ROS1: variants seen among roughly 807,000 people sequenced by gnomAD.
The protein encoded by ROS1 is proto-oncogene tyrosine-protein kinase ROS.
A neutral mutation model predicts 273.5 loss-of-function variants in ROS1; 263 were observed. That is an observed-to-expected ratio of 0.96 (90% confidence interval 0.87 to 1.06). The LOEUF (loss-of-function observed/expected upper bound fraction) is 1.06, where lower values mean the gene tolerates loss of function less well. ROS1 is among the 50% of genes least tolerant of loss of function. The pLI, the probability that ROS1 is intolerant of heterozygous loss-of-function variation, is 0.00. For synonymous variants in ROS1, 1,008 were observed against 954.1 expected (o/e 1.06, Z -1.04); for missense variants, 2,833 against 2,751.1 (o/e 1.03, Z -0.67).
chr6:117,402,184 C>A (rs983685809), intron 7 of ROS1, among the ~76,000 whole-genome samples: 1 of 152,154 alleles, frequency 6.6e-6, no homozygotes, highest in African/African-American at 2.4e-5. Context: ...GGGTCTGGCC[C>A]CCATCTCTCT....
At chr6:117,400,993 T>C (rs1773887924) in intron 7 of ROS1, among the ~76,000 whole-genome samples, 1 of 152,208 alleles carries the variant, frequency 6.6e-6, no homozygotes, top group Non-Finnish European at 1.5e-5. Context: ...CGATTTTATC[T>C]AGGAAAGCCA....
At chr6:117,320,174 G>A (rs2128559687) in intron 36 of ROS1, 144 bp from the exon 37 acceptor site, 1 of 699,372 alleles carries the variant, frequency 1.4e-6, no homozygotes, top group Admixed American at 2.9e-5. Flanking sequence ...ACACGGTGAT[G>A]TGGAACTTTG....
intron 42 of ROS1, among the ~76,000 whole-genome samples, chr6:117,302,776 TG>T (rs1434594043): frequency 6.6e-6 from 1 of 152,352 alleles, no homozygotes; most frequent in Non-Finnish European, 1.5e-5. Flanking sequence ...TTGACAATGC[TG>T]GGTCTCCCAT....
chr6:117,326,091 TTATATATATATATATATA>T (rs56113300), intron 34 of ROS1, 115 bp downstream of exon 34: 133 of 148,262 alleles, frequency 9.0e-4, no homozygotes, highest in Non-Finnish European at 1.2e-3. Context: ...GATAATAAGA[TTATATATATATATATATA>T]TATATATATA....
intron 7 of ROS1, among the ~76,000 whole-genome samples, chr6:117,397,732 G>A (rs1301996462): frequency 6.6e-6 from 1 of 152,188 alleles, no homozygotes; most frequent in East Asian, 1.9e-4. Flanking sequence ...GATTAAAGGA[G>A]CATGTATGAA....
At chr6:117,299,149 G>C (rs1198430199) in intron 43 of ROS1, among the ~76,000 whole-genome samples, 2 of 152,198 alleles carry the variant, frequency 1.3e-5, no homozygotes, top group Non-Finnish European at 1.5e-5. Context: ...ACTCTAATGA[G>C]GGTTATGACG....
chr6:117,382,944 G>C (rs1772272721), intron 17 of ROS1, among the ~76,000 whole-genome samples: 1 of 152,060 alleles, frequency 6.6e-6, no homozygotes, highest in Admixed American at 6.5e-5. Flanking sequence ...ATTGAAAATA[G>C]TAAAATGCCT....
chr6:117,392,071 C>T (rs1277038109), intron 12 of ROS1, among the ~76,000 whole-genome samples: 1 of 152,156 alleles, frequency 6.6e-6, no homozygotes, highest in African/African-American at 2.4e-5. Flanking sequence ...AGTTCATTAT[C>T]CTCAGAATGA....
chr6:117,340,700 A>G (rs1002233826), intron 31 of ROS1, among the ~76,000 whole-genome samples: 1 of 152,142 alleles, frequency 6.6e-6, no homozygotes, highest in African/African-American at 2.4e-5. Flanking sequence ...ACTTTAGAAT[A>G]AGCTGGTTTT....
At chr6:117,308,466 T>C (rs1380118824) in intron 42 of ROS1, among the ~76,000 whole-genome samples, 1 of 152,058 alleles carries the variant, frequency 6.6e-6, no homozygotes, top group African/African-American at 2.4e-5. Flanking sequence ...AAGGCATATG[T>C]GTGTGTATAC....
intron 43 of ROS1, among the ~76,000 whole-genome samples, chr6:117,293,293 T>A (rs767943596): frequency 1.2e-4 from 19 of 152,122 alleles, no homozygotes; most frequent in Non-Finnish European, 2.6e-4. Flanking sequence ...TCTCACCAAA[T>A]CCTTAAAAAT....
At chr6:117,318,098 C>A in intron 38 of ROS1, 90 bp downstream of exon 38, 1 of 893,434 alleles carries the variant, frequency 1.1e-6, no homozygotes, top group East Asian at 2.6e-5. Flanking sequence ...AGTCATGATC[C>A]GTTAAGTCAT....
chr6:117,381,435 G>C (rs1328794950), intron 17 of ROS1, among the ~76,000 whole-genome samples: 2 of 151,538 alleles, frequency 1.3e-5, no homozygotes, highest in Non-Finnish European at 2.9e-5. Flanking sequence ...ATATTACTCT[G>C]TATGCTTTTG....
rs2128660414 is a variant in ROS1, at chr6:117,365,616, C to T, written c.2923G>A (p.Val975Ile). 6.2e-7 allele frequency: 1 copy of T among 1,613,550 alleles called. No homozygotes were observed. The highest frequency in any genetic ancestry group is 8.5e-7 in the Non-Finnish European group (1 of 1,179,552). ...GCACTAAATTCTACACTGTAGAAAA[C>T]TACACCCCAGTCTACCGCAGGGGGA... ...NGPPAVDWGVVFYSVEFSAHS... is the reference protein window; with the variant it reads ...NGPPAVDWGVIFYSVEFSAHS... Residue 975 changes from valine to isoleucine, a missense_variant, in exon 20 of 44, where the codon GTT (valine) becomes ATT (isoleucine). Coordinates refer to ENST00000368507, the MANE Select transcript of ROS1 (RefSeq NM_001378902.1).
Position 117,379,044 on chromosome 6 carries a change from AG to A in ROS1, c.2582+14del. 1 of 1,499,488 alleles carries A rather than the reference AG, an allele frequency of 6.7e-7. No homozygotes were observed. The highest frequency in any genetic ancestry group is 9.2e-7 in the Non-Finnish European group (1 of 1,090,030). 92.9% of individuals were successfully genotyped at this position (1,499,488 alleles called of 1,614,324 possible). A position where few individuals can be genotyped will look rare whatever the true frequency, so the allele number is the denominator to read the frequency against. On this transcript the variant is annotated intron_variant, in intron 18 of 43. Coordinates refer to ENST00000368507, the MANE Select transcript of ROS1 (RefSeq NM_001378902.1). ...TTTTCTTCTCAATCAATTGCCTTTG[AG>A]GGACTCTACTTACCTCTGTCCCCGA...
Position 117,329,358 on chromosome 6 carries a change from A to G in ROS1, c.5319T>C (p.Cys1773=). Reference sequence around the variant, plus strand: ...TCTCAAGGATATAGTATGTAATTCTACATCCATTATCTTCAGCTTTCTCCC... The same window carrying G: ...TCTCAAGGATATAGTATGTAATTCTGCATCCATTATCTTCAGCTTTCTCCC... ...IQWEKAEDNG[C]RITYYILEIR... Residue 1773 remains cysteine, a synonymous_variant, in exon 33 of 44, where the codon TGT becomes TGC. Coordinates refer to ENST00000368507, the MANE Select transcript of ROS1 (RefSeq NM_001378902.1). 3.2e-6 allele frequency: 5 copies of G among 1,559,364 alleles called. No homozygotes were observed. The highest frequency in any genetic ancestry group is 4.4e-6 in the Non-Finnish European group (5 of 1,131,106).
At chr6:117,374,132 G>A (rs973583088) in intron 18 of ROS1, among the ~76,000 whole-genome samples, 3 of 152,060 alleles carry the variant, frequency 2.0e-5, no homozygotes, top group Non-Finnish European at 2.9e-5. Flanking sequence ...CAGAACAAGA[G>A]AGAACAATCC....
intron 4 of ROS1, among the ~76,000 whole-genome samples, chr6:117,410,514 A>C (rs926840277): frequency 3.9e-5 from 6 of 152,222 alleles, no homozygotes; most frequent in Admixed American, 3.3e-4. Context: ...AACACAGTAC[A>C]TAATTTGATG....
At chr6:117,345,126 C>A (rs991263998) in intron 27 of ROS1, among the ~76,000 whole-genome samples, 35 of 152,248 alleles carry the variant, frequency 2.3e-4, no homozygotes, top group African/African-American at 6.5e-4. Context: ...ACTGTGCAAT[C>A]TGGCTCCTGC....
Sources: allele counts gnomAD v4.1 joint callset (sites outside exome capture counted in the v4.1 genomes callset), GRCh38; gene constraint gnomAD v4.1.1; transcripts MANE v1.5; gene names NCBI Gene and HGNC (gene_info 2026-07-23, HGNC 2026-07-21).